Variants in NDUFA8 observed in about 807,000 individuals in gnomAD.
The protein encoded by NDUFA8 is NADH dehydrogenase [ubiquinone] 1 alpha subcomplex subunit 8.
NDUFA8 carries 16 observed loss-of-function variants against 20.9 expected under a neutral mutation model. The observed-to-expected ratio is 0.77, with a 90% confidence interval of 0.52 to 1.16. The LOEUF is 1.16. NDUFA8 is among the 50% of genes most tolerant of loss of function. The pLI is 0.00. For missense variants in NDUFA8, 202 were observed against 216.4 expected (o/e 0.93, Z 0.42); for synonymous variants, 70 against 76.1 (o/e 0.92, Z 0.41).
In NDUFA8 at chr9:122,152,307, T is replaced by C; in HGVS notation, c.153A>G (p.Lys51=). Reference sequence around the variant, plus strand: ...CTTCCTCTAAACACCGCCTCGGATCTTTCTCTTCCCAGCGGCAGAGCATAA... The same window carrying C: ...CTTCCTCTAAACACCGCCTCGGATCCTTCTCTTCCCAGCGGCAGAGCATAA... ...KEFMLCRWEE[K]DPRRCLEEGK... is the part of the protein sequence containing the mutation. The change falls in exon 2 of 4, where the codon AAA becomes AAG. Residue 51 remains lysine (K), a synonymous_variant. Coordinates refer to ENST00000373768, the MANE Select transcript of NDUFA8 (RefSeq NM_014222.3). The C allele has an allele frequency of 1.9e-6, 3 of 1,614,208 alleles. No individual in the cohort carries two copies. Among genetic ancestry groups the C allele is most frequent in the Non-Finnish European group, 2.5e-6 (3 of 1,180,046 alleles).
At chr9:122,159,434 AC>A (rs1327359080) in intron 1 of NDUFA8, among the ~76,000 whole-genome samples, 192 bp downstream of exon 1, 1 of 152,128 alleles carries the variant, frequency 6.6e-6, no homozygotes, top group Non-Finnish European at 1.5e-5. Flanking sequence ...GCAAGATGCG[AC>A]AGGGTGGGGT....
intron 1 of NDUFA8, among the ~76,000 whole-genome samples, chr9:122,158,580 G>A (rs1412851306): frequency 2.0e-5 from 3 of 151,526 alleles, no homozygotes; most frequent in Admixed American, 1.3e-4. Flanking sequence ...TATTACTTAC[G>A]AGCTCCGTGA....
At chr9:122,148,487 T>A (rs1490532780) in intron 2 of NDUFA8, among the ~76,000 whole-genome samples, 2 of 152,212 alleles carry the variant, frequency 1.3e-5, no homozygotes, top group Non-Finnish European at 2.9e-5. Context: ...GTAGAAAACC[T>A]AATTTCTTTA....
chr9:122,143,711 C>T (rs1406989493), downstream of NDUFA8, among the ~76,000 whole-genome samples: 5 of 152,222 alleles, frequency 3.3e-5, no homozygotes, highest in African/African-American at 1.2e-4. Context: ...CTGCTAGGGG[C>T]CCCTCCCATT....
chr9:122,134,339 A>T, the NDUFA8 span, among the ~76,000 whole-genome samples: 2 of 152,094 alleles, frequency 1.3e-5, no homozygotes, highest in African/African-American at 2.4e-5. Context: ...TCTACCACTT[A>T]CTATATATAG....
At chr9:122,134,657 CA>C in the NDUFA8 span, among the ~76,000 whole-genome samples, 1 of 152,162 alleles carries the variant, frequency 6.6e-6, no homozygotes, top group East Asian at 1.9e-4. Context: ...TATTGAGTTG[CA>C]GCCACACAGG....
downstream of NDUFA8, among the ~76,000 whole-genome samples, chr9:122,139,391 C>A (rs1446090919): frequency 1.3e-5 from 2 of 152,158 alleles, no homozygotes; most frequent in African/African-American, 2.4e-5. Flanking sequence ...CTGTTTGGTT[C>A]CTTCTCAGGA....
intron 1 of NDUFA8, among the ~76,000 whole-genome samples, chr9:122,156,668 G>A (rs1200649554): frequency 6.6e-6 from 1 of 152,076 alleles, no homozygotes; most frequent in Non-Finnish European, 1.5e-5. Context: ...TATTTAACTC[G>A]CTCTCCAAAC....
chr9:122,140,936 A>G (rs1170855889), downstream of NDUFA8, among the ~76,000 whole-genome samples: 1 of 152,192 alleles, frequency 6.6e-6, no homozygotes, highest in Non-Finnish European at 1.5e-5. Context: ...TAGAGCCCTC[A>G]TGCCCAACCA....
intron 3 of NDUFA8, among the ~76,000 whole-genome samples, chr9:122,145,287 C>A (rs1421456886): frequency 6.6e-6 from 1 of 152,132 alleles, no homozygotes; most frequent in African/African-American, 2.4e-5. Flanking sequence ...AATTGGGGAG[C>A]TGAGCCAATA....
At chr9:122,159,491 G>A in intron 1 of NDUFA8, 136 bp downstream of exon 1, 1 of 1,049,056 alleles carries the variant, frequency 9.5e-7, no homozygotes, top group South Asian at 1.3e-5. Flanking sequence ...ACCTCCGGGG[G>A]TCGACCTGTA....
At chr9:122,151,539 G>A (rs919214645) in intron 2 of NDUFA8, among the ~76,000 whole-genome samples, 1 of 151,892 alleles carries the variant, frequency 6.6e-6, no homozygotes, top group African/African-American at 2.4e-5. Flanking sequence ...ACAGCAAGGT[G>A]AGAGTCTTTC....
At chr9:122,150,323 A>T (rs567756718) in intron 2 of NDUFA8, among the ~76,000 whole-genome samples, 1 of 145,214 alleles carries the variant, frequency 6.9e-6, no homozygotes, top group South Asian at 2.4e-4. Context: ...AGGCAGGAGA[A>T]TGGCGCGAAC....
In NDUFA8 at chr9:122,148,136, C is replaced by T. The variant is rs1422298924; in HGVS notation, c.357G>A (p.Arg119=). The T allele has an allele frequency of 6.2e-7, 1 of 1,614,202 alleles. No individual in the cohort carries two copies. Among genetic ancestry groups the T allele is most frequent in the Non-Finnish European group, 8.5e-7 (1 of 1,180,046 alleles). ...ECVLDKLGWV[R]PDLGELSKVT... ...CCTTTGACAGTTCTCCCAGGTCAGG[C>T]CGCACCCAGCCCAGTTTGTCCAGCA... is the stretch of plus-strand genomic sequence containing the variant. Residue 119 remains arginine (R), a synonymous_variant, in exon 3 of 4, where the codon CGG becomes CGA. Transcript: ENST00000373768.
chr9:122,135,728 C>T, the NDUFA8 span, among the ~76,000 whole-genome samples: 1 of 152,132 alleles, frequency 6.6e-6, no homozygotes, highest in Non-Finnish European at 1.5e-5. Flanking sequence ...TAGCTGGGAC[C>T]ACAGGCACGT....
intron 3 of NDUFA8, among the ~76,000 whole-genome samples, chr9:122,146,881 G>A (rs2118699482): frequency 6.6e-6 from 1 of 152,324 alleles, no homozygotes; most frequent in South Asian, 2.1e-4. Context: ...AGGAGAGAGA[G>A]TAAGACCTGA....
the NDUFA8 span, among the ~76,000 whole-genome samples, chr9:122,133,451 G>T: frequency 7.2e-5 from 11 of 152,302 alleles, no homozygotes; most frequent in East Asian, 2.1e-3. Flanking sequence ...GGAAACTGAG[G>T]CCAGGCTTGA....
chr9:122,146,402 A>G (rs996347255), intron 3 of NDUFA8, among the ~76,000 whole-genome samples: 5 of 152,240 alleles, frequency 3.3e-5, no homozygotes, highest in African/African-American at 1.2e-4. Context: ...CATAAGTCAG[A>G]AATGAGAAAA....
At chr9:122,134,380 T>C in the NDUFA8 span, among the ~76,000 whole-genome samples, 1 of 152,220 alleles carries the variant, frequency 6.6e-6, no homozygotes, top group Non-Finnish European at 1.5e-5. Context: ...AGATAACCTT[T>C]CCGAGCATCA....
Sources: gnomAD v4.1 joint callset for allele counts (sites outside exome capture counted in the v4.1 genomes callset) on GRCh38, gnomAD v4.1.1 for gene constraint, MANE v1.5 for transcripts, NCBI Gene and HGNC (gene_info 2026-07-23, HGNC 2026-07-21) for gene names.